FAR2: variants seen among roughly 807,000 people sequenced by gnomAD.
FAR2 encodes fatty acyl-CoA reductase 2.
FAR2 carries 19 observed loss-of-function variants against 56.0 expected under a neutral mutation model. The observed-to-expected ratio is 0.34, with a 90% confidence interval of 0.24 to 0.50. The LOEUF is 0.50. FAR2 is among the 20% of genes least tolerant of loss of function. FAR2 has a pLI of 0.98. For synonymous variants in FAR2, 219 were observed against 218.8 expected (o/e 1.00, Z -0.01); for missense variants, 508 against 642.2 (o/e 0.79, Z 2.26).
At chr12:29,313,609 C>G (rs1565519975) in intron 8 of FAR2, among the ~76,000 whole-genome samples, 1 of 152,038 alleles carries the variant, frequency 6.6e-6, no homozygotes, top group Admixed American at 6.6e-5. Context: ...AAGAATTTTG[C>G]AGGCTTTCAG....
intron 4 of FAR2, among the ~76,000 whole-genome samples, chr12:29,305,606 T>C (rs1181669043): frequency 2.0e-5 from 3 of 152,354 alleles, no homozygotes; most frequent in East Asian, 1.9e-4. Flanking sequence ...AGAATGAGTA[T>C]AATTATTGCC....
intron 2 of FAR2, 156 bp from the exon 3 acceptor site, chr12:29,293,144 G>C (rs1010387636): frequency 1.1e-5 from 6 of 561,214 alleles, no homozygotes; most frequent in Non-Finnish European, 2.9e-6. Flanking sequence ...TGAGATTACA[G>C]GCATATGCCA....
chr12:29,332,289 G>A (rs1949741797), intron 10 of FAR2, among the ~76,000 whole-genome samples: 1 of 152,018 alleles, frequency 6.6e-6, no homozygotes, highest in Non-Finnish European at 1.5e-5. Flanking sequence ...ATTACTCCTC[G>A]GTTAGCTGAA....
At chr12:29,257,239 A>C (rs139456222) in intron 1 of FAR2, among the ~76,000 whole-genome samples, 141 of 152,172 alleles carry the variant, frequency 9.3e-4, no homozygotes, top group African/African-American at 3.3e-3. Context: ...GGGTTTGTGA[A>C]TGCACCAATT....
intron 1 of FAR2, among the ~76,000 whole-genome samples, chr12:29,163,740 A>T (rs1949801495): frequency 6.6e-6 from 1 of 152,232 alleles, no homozygotes; most frequent in Non-Finnish European, 1.5e-5. Flanking sequence ...AGGTGTGTGG[A>T]GACTGGGAGA....
chr12:29,163,408 A>T (rs1430304027), intron 1 of FAR2, among the ~76,000 whole-genome samples: 1 of 152,218 alleles, frequency 6.6e-6, no homozygotes, highest in Non-Finnish European at 1.5e-5. Flanking sequence ...TGGAGAAGCA[A>T]AGAGGTATTA....
At chr12:29,222,589 C>T (rs1279550693) in intron 1 of FAR2, among the ~76,000 whole-genome samples, 1 of 151,480 alleles carries the variant, frequency 6.6e-6, no homozygotes, top group African/African-American at 2.4e-5. Context: ...TTTTCTTCAT[C>T]TGGATTCTTC....
chr12:29,198,407 T>A (rs1009948654), intron 1 of FAR2, among the ~76,000 whole-genome samples: 1 of 152,092 alleles, frequency 6.6e-6, no homozygotes, highest in Non-Finnish European at 1.5e-5. Context: ...TTTTGTATTT[T>A]TAGTAGAGAC....
At chr12:29,223,466 T>C (rs1947722779) in intron 1 of FAR2, among the ~76,000 whole-genome samples, 2 of 152,350 alleles carry the variant, frequency 1.3e-5, no homozygotes, top group Non-Finnish European at 2.9e-5. Flanking sequence ...CAATAATTTT[T>C]GTTGTTGGGT....
At chr12:29,312,310 T>C (rs955734706) in intron 8 of FAR2, among the ~76,000 whole-genome samples, 6 of 152,176 alleles carry the variant, frequency 3.9e-5, no homozygotes, top group African/African-American at 1.4e-4. Flanking sequence ...CCTTCCCTTC[T>C]TGATATGTCA....
At chr12:29,275,211 G>T (rs953854014) in intron 2 of FAR2, among the ~76,000 whole-genome samples, 10 of 151,872 alleles carry the variant, frequency 6.6e-5, no homozygotes, top group Admixed American at 1.3e-4. Context: ...GATTTGGGTA[G>T]GTAAAGGAAA....
intron 1 of FAR2, among the ~76,000 whole-genome samples, chr12:29,159,555 G>C (rs1949762481): frequency 6.7e-6 from 1 of 148,612 alleles, no homozygotes; most frequent in Admixed American, 6.7e-5. Flanking sequence ...ATGGGAAATA[G>C]AGTTGAAATG....
chr12:29,216,733 G>A (rs1947626098), intron 1 of FAR2, among the ~76,000 whole-genome samples: 1 of 152,122 alleles, frequency 6.6e-6, no homozygotes, highest in African/African-American at 2.4e-5. Flanking sequence ...AGCATTTTGA[G>A]TTAATTTCAG....
chr12:29,257,930 C>T (rs990940931), intron 1 of FAR2, among the ~76,000 whole-genome samples: 1 of 152,156 alleles, frequency 6.6e-6, no homozygotes, highest in African/African-American at 2.4e-5. Context: ...CCTAAATTGC[C>T]TTTTGAAAAT....
At chr12:29,195,295 C>T (rs561239338) in intron 1 of FAR2, among the ~76,000 whole-genome samples, 46 of 152,164 alleles carry the variant, frequency 3.0e-4, no homozygotes, top group Non-Finnish European at 6.6e-4. Context: ...TCCAAGGAAA[C>T]TACTATCTAC....
At chr12:29,249,702 T>C (rs185740901) in intron 1 of FAR2, among the ~76,000 whole-genome samples, 7 of 152,348 alleles carry the variant, frequency 4.6e-5, no homozygotes, top group Admixed American at 3.9e-4. Flanking sequence ...CATTTGCTAC[T>C]ATCATTAGAA....
intron 4 of FAR2, among the ~76,000 whole-genome samples, chr12:29,300,630 G>GTTT (rs1949146564): frequency 2.2e-5 from 1 of 46,314 alleles, no homozygotes; most frequent in Non-Finnish European, 9.1e-5. Flanking sequence ...CTGGGGGAAA[G>GTTT]TTGTTGTTGT....
intron 1 of FAR2, among the ~76,000 whole-genome samples, chr12:29,232,005 G>A (rs555752273): frequency 6.6e-6 from 1 of 152,188 alleles, no homozygotes; most frequent in Admixed American, 6.5e-5. Flanking sequence ...TGATATTATG[G>A]CCTATGAAAT....
chr12:29,192,625 T>A (rs1231310975), intron 1 of FAR2, among the ~76,000 whole-genome samples: 1 of 152,208 alleles, frequency 6.6e-6, no homozygotes, highest in East Asian at 1.9e-4. Flanking sequence ...TATTTGCAGA[T>A]TTCTATACAG....
Sources: allele counts gnomAD v4.1 joint callset (sites outside exome capture counted in the v4.1 genomes callset), GRCh38; gene constraint gnomAD v4.1.1; transcripts MANE v1.5; gene names NCBI Gene and HGNC (gene_info 2026-07-23, HGNC 2026-07-21).